TAFA1: variants seen among roughly 807,000 people sequenced by gnomAD.
TAFA1 encodes TAFA chemokine like family member 1.
In TAFA1, 4 loss-of-function variants were observed where a neutral mutation model predicts 18.5. The observed-to-expected ratio is 0.22, with a 90% CI of 0.11 to 0.49. The LOEUF is 0.49. Among genes scored for constraint, TAFA1 ranks in the 20% least tolerant of loss-of-function variants. The pLI, the probability that TAFA1 is intolerant of heterozygous loss-of-function variation, is 0.98. For missense variants in TAFA1, 147 were observed against 169.0 expected, an observed-to-expected ratio of 0.87 and a Z score of 0.72; for synonymous variants, 56 against 55.2, an observed-to-expected ratio of 1.01 and a Z score of -0.06.
intron 3 of TAFA1, among the ~76,000 whole-genome samples, chr3:68,426,903 T>A (rs925380549): frequency 2.0e-5 from 3 of 151,964 alleles, no homozygotes; most frequent in Non-Finnish European, 2.9e-5. Flanking sequence ...ATTTTGATGT[T>A]ATTTTAATGT....
chr3:68,024,063 A>G (rs1478622717), intron 2 of TAFA1, among the ~76,000 whole-genome samples: 1 of 152,212 alleles, frequency 6.6e-6, no homozygotes, highest in African/African-American at 2.4e-5. Flanking sequence ...CACTGTCTGG[A>G]ATGCTGCTGT....
chr3:68,250,352 T>C (rs1187539866), intron 2 of TAFA1, among the ~76,000 whole-genome samples: 1 of 152,160 alleles, frequency 6.6e-6, no homozygotes, highest in East Asian at 1.9e-4. Flanking sequence ...TAGAATGAGC[T>C]TATCATATAA....
intron 3 of TAFA1, among the ~76,000 whole-genome samples, chr3:68,501,826 A>C (rs1176471108): frequency 6.6e-6 from 1 of 152,200 alleles, no homozygotes; most frequent in Non-Finnish European, 1.5e-5. Context: ...GCCATGTCCC[A>C]TAAGAAAGAG....
chr3:68,306,504 TTG>T (rs148101146), intron 2 of TAFA1, among the ~76,000 whole-genome samples: 18,554 of 151,600 alleles, frequency 0.12, 1,311 homozygotes, highest in East Asian at 0.31. Context: ...ACAGTTGTGC[TTG>T]TGTGTGTGTG....
At chr3:68,403,156 T>C (rs927700135) in intron 2 of TAFA1, among the ~76,000 whole-genome samples, 7 of 152,214 alleles carry the variant, frequency 4.6e-5, no homozygotes, top group African/African-American at 1.4e-4. Context: ...CTATACTATC[T>C]AGCCTAGGTG....
chr3:68,209,074 CA>C (rs981615165), intron 2 of TAFA1, among the ~76,000 whole-genome samples: 3 of 151,764 alleles, frequency 2.0e-5, no homozygotes, highest in African/African-American at 4.8e-5. Flanking sequence ...CAATGACTAG[CA>C]AAAAAATGGG....
At chr3:68,090,080 G>A (rs1043318044) in intron 2 of TAFA1, among the ~76,000 whole-genome samples, 3 of 152,172 alleles carry the variant, frequency 2.0e-5, no homozygotes, top group Non-Finnish European at 2.9e-5. Flanking sequence ...AATCACCAAA[G>A]ATGTGAAGAG....
At chr3:68,174,807 G>A (rs1296687879) in intron 2 of TAFA1, among the ~76,000 whole-genome samples, 1 of 152,164 alleles carries the variant, frequency 6.6e-6, no homozygotes. Flanking sequence ...AAGTAACAAG[G>A]AACCCAATGT....
At chr3:68,075,287 C>T (rs551947882) in intron 2 of TAFA1, among the ~76,000 whole-genome samples, 1 of 152,310 alleles carries the variant, frequency 6.6e-6, no homozygotes, top group Admixed American at 6.5e-5. Flanking sequence ...GATTCTGACT[C>T]TTACTCCTAG....
At chr3:68,067,744 A>ATCCT (rs2064698932) in intron 2 of TAFA1, among the ~76,000 whole-genome samples, 2 of 150,670 alleles carry the variant, frequency 1.3e-5, no homozygotes, top group Non-Finnish European at 3.0e-5. Context: ...CTTTCCTTCC[A>ATCCT]TCCTTCCTTC....
At chr3:68,387,529 A>G (rs1024452590) in intron 2 of TAFA1, among the ~76,000 whole-genome samples, 4 of 152,188 alleles carry the variant, frequency 2.6e-5, no homozygotes, top group Admixed American at 2.0e-4. Context: ...AGTTTACTCC[A>G]TGTTCAACCT....
chr3:68,022,331 G>T (rs1473977035), intron 2 of TAFA1, among the ~76,000 whole-genome samples: 1 of 152,178 alleles, frequency 6.6e-6, no homozygotes, highest in East Asian at 1.9e-4. Context: ...GGAGGCAGAA[G>T]AATCAGATGG....
chr3:68,268,689 C>T (rs895357555), intron 2 of TAFA1, among the ~76,000 whole-genome samples: 2 of 152,094 alleles, frequency 1.3e-5, no homozygotes, highest in African/African-American at 4.8e-5. Flanking sequence ...CTAAAAATAT[C>T]CACCTCTTGC....
At chr3:68,100,870 A>G (rs2065139834) in intron 2 of TAFA1, among the ~76,000 whole-genome samples, 1 of 152,156 alleles carries the variant, frequency 6.6e-6, no homozygotes, top group Non-Finnish European at 1.5e-5. Flanking sequence ...TGATATAGCC[A>G]TCAGCAGGAA....
chr3:68,441,973 T>G (rs35657439), intron 3 of TAFA1, among the ~76,000 whole-genome samples: 34,578 of 152,040 alleles, frequency 0.23, 4,168 homozygotes, highest in Admixed American at 0.3. Flanking sequence ...GCCAGATGTG[T>G]GATTATATAC....
chr3:68,012,800 G>A (rs1704497041), intron 2 of TAFA1, among the ~76,000 whole-genome samples: 1 of 152,054 alleles, frequency 6.6e-6, no homozygotes, highest in Admixed American at 6.6e-5. Flanking sequence ...AATATCATGA[G>A]GCCCTTTTCC....
chr3:68,476,306 A>G (rs1430655247), intron 3 of TAFA1, among the ~76,000 whole-genome samples: 1 of 152,202 alleles, frequency 6.6e-6, no homozygotes, highest in Non-Finnish European at 1.5e-5. Context: ...TAAGTTTGAG[A>G]TAGCCACAGT....
chr3:68,023,018 G>C (rs2106801143), intron 2 of TAFA1, among the ~76,000 whole-genome samples: 1 of 149,416 alleles, frequency 6.7e-6, no homozygotes. Flanking sequence ...GGCTCAGAGA[G>C]GTTAAATAAC....
intron 2 of TAFA1, among the ~76,000 whole-genome samples, chr3:68,030,709 G>T (rs1464169668): frequency 6.6e-6 from 1 of 152,138 alleles, no homozygotes; most frequent in Admixed American, 6.6e-5. Flanking sequence ...ATTGTGAACA[G>T]TGCTGCAGTA....
Sources: gnomAD v4.1 joint callset for allele counts (sites outside exome capture counted in the v4.1 genomes callset) on GRCh38, gnomAD v4.1.1 for gene constraint, MANE v1.5 for transcripts, NCBI Gene and HGNC (gene_info 2026-07-23, HGNC 2026-07-21) for gene names.